Variants in CSMD1 observed in about 807,000 individuals in gnomAD.
CSMD1 encodes CUB and sushi domain-containing protein 1.
In CSMD1, 213 loss-of-function variants were observed where a neutral mutation model predicts 417.5. The ratio of observed to expected loss-of-function variants is 0.51; its 90% CI spans 0.46 to 0.57. The LOEUF is 0.57. Ranked by LOEUF, CSMD1 falls within the 20% of genes least tolerant of loss-of-function variation. The pLI is 0.00. For missense variants in CSMD1, 6,923 were observed against 4,529.7 expected, an observed-to-expected ratio of 1.53 and a Z score of -15.17; for synonymous variants, 2,862 against 1,736.8, an observed-to-expected ratio of 1.65 and a Z score of -16.11.
intron 3 of CSMD1, among the ~76,000 whole-genome samples, chr8:4,202,028 T>A (rs992733008): frequency 6.6e-6 from 1 of 152,216 alleles, no homozygotes; most frequent in Non-Finnish European, 1.5e-5. Context: ...AACGAGGACA[T>A]TGGAATCTCC....
At chr8:4,024,388 G>A (rs1051869296) in intron 4 of CSMD1, among the ~76,000 whole-genome samples, 17 of 152,158 alleles carry the variant, frequency 1.1e-4, no homozygotes, top group Admixed American at 5.9e-4. Context: ...TACGCTGATG[G>A]AAGTTTTACT....
intron 3 of CSMD1, among the ~76,000 whole-genome samples, chr8:4,303,415 G>A (rs1410514029): frequency 7.8e-6 from 1 of 128,040 alleles, no homozygotes; most frequent in Non-Finnish European, 1.6e-5. Context: ...ATATTGGGCA[G>A]GAAGCTGTTT....
chr8:4,364,016 A>G (rs1431055281), intron 3 of CSMD1, among the ~76,000 whole-genome samples: 1 of 152,142 alleles, frequency 6.6e-6, no homozygotes, highest in Non-Finnish European at 1.5e-5. Context: ...TCAATAATTT[A>G]ATTGTACTTA....
At chr8:4,689,621 C>G (rs931151414) in intron 1 of CSMD1, among the ~76,000 whole-genome samples, 4 of 152,140 alleles carry the variant, frequency 2.6e-5, no homozygotes, top group Non-Finnish European at 4.4e-5. Context: ...GTTCAGAGGA[C>G]AGAAAAGGTG....
chr8:4,549,183 T>G (rs1263090268), intron 2 of CSMD1, among the ~76,000 whole-genome samples: 1 of 152,182 alleles, frequency 6.6e-6, no homozygotes, highest in African/African-American at 2.4e-5. Context: ...TCCTCTCAGC[T>G]GACTTGATTT....
intron 1 of CSMD1, among the ~76,000 whole-genome samples, chr8:4,741,098 C>T (rs940052173): frequency 6.6e-6 from 1 of 152,160 alleles, no homozygotes; most frequent in African/African-American, 2.4e-5. Flanking sequence ...AATTGGCTCA[C>T]AAGATCCATC....
intron 5 of CSMD1, among the ~76,000 whole-genome samples, chr8:3,936,909 T>C (rs1046136040): frequency 2.6e-5 from 4 of 152,194 alleles, no homozygotes; most frequent in African/African-American, 9.6e-5. Flanking sequence ...ATTCCAATGA[T>C]ATTAAGAATG....
At chr8:4,263,151 C>T (rs1455669210) in intron 3 of CSMD1, among the ~76,000 whole-genome samples, 1 of 151,968 alleles carries the variant, frequency 6.6e-6, no homozygotes, top group Non-Finnish European at 1.5e-5. Flanking sequence ...AAATGTATTA[C>T]GTAAAAGCAA....
intron 1 of CSMD1, among the ~76,000 whole-genome samples, chr8:4,899,825 C>G (rs111326166): frequency 9.7e-4 from 148 of 152,240 alleles, no homozygotes; most frequent in Middle Eastern, 6.8e-3. Flanking sequence ...CACAGTGTAA[C>G]AAATAAGCAG....
At chr8:2,989,222 T>C (rs573802068) in intron 54 of CSMD1, among the ~76,000 whole-genome samples, 1 of 152,338 alleles carries the variant, frequency 6.6e-6, no homozygotes, top group Admixed American at 6.5e-5. Flanking sequence ...TTTTTGAGTT[T>C]TATGCCATTG....
At chr8:4,298,069 G>C (rs6990402) in intron 3 of CSMD1, among the ~76,000 whole-genome samples, 144,918 of 152,170 alleles carry the variant, frequency 0.95, 69,407 homozygotes, top group East Asian at 1. Context: ...ACATGCTAGC[G>C]TCTCTCTGGT....
rs892316799 is a variant in CSMD1, at chr8:4,788,620, A to G, written c.86-151062T>C. 4 of 895,618 alleles carry G rather than the reference A, an allele frequency of 4.5e-6. No individual in the cohort carries two copies. In the African/African-American group the frequency reaches 6.7e-5, roughly 15 times the overall value. 55.5% of individuals were successfully genotyped at this position (895,618 alleles called of 1,614,324 possible). A position where few individuals can be genotyped will look rare whatever the true frequency, so the allele number is the denominator to read the frequency against. On this transcript the variant is annotated intron_variant, in intron 1 of 69. Transcript: ENST00000635120. ...TGCCATTGAAATTTTTAGGGGAAAAACTACAAATTTCTAATTTAGCTGAAG... is the reference window on the plus strand; with the variant it reads ...TGCCATTGAAATTTTTAGGGGAAAAGCTACAAATTTCTAATTTAGCTGAAG...
intron 5 of CSMD1, among the ~76,000 whole-genome samples, chr8:3,835,290 T>A (rs946568978): frequency 1.3e-5 from 2 of 152,042 alleles, no homozygotes; most frequent in African/African-American, 4.8e-5. Flanking sequence ...GCGGCACTAT[T>A]CACAATAGCA....
Position 3,575,024 on chromosome 8 carries a change from A to C in CSMD1, c.1265T>G (p.Ile422Ser). The change falls in exon 10 of 70, where the codon ATT becomes AGT. Residue 422 changes from isoleucine (I) to serine (S), a missense_variant. By Grantham distance (142) the Ile-to-Ser change is moderately radical (BLOSUM62 -2). Coordinates refer to ENST00000635120, the MANE Select transcript of CSMD1 (RefSeq NM_033225.6). ...GSNLRGPSGV[I>S]TSPNYPVQYE... is the part of the protein sequence containing the mutation. The stretch of plus-strand genomic sequence containing the variant: ...CTGAACCGGATAATTAGGGGAGGTA[A>C]TGACGCCGCTGGGCCCACGCAGATT... The C allele has an allele frequency of 6.2e-7, 1 of 1,613,506 alleles. No individual in the cohort carries two copies. Among genetic ancestry groups the C allele is most frequent in the Non-Finnish European group, 8.5e-7 (1 of 1,179,734 alleles).
intron 13 of CSMD1, among the ~76,000 whole-genome samples, chr8:3,409,129 C>G (rs1305968727): frequency 6.6e-6 from 1 of 152,166 alleles, no homozygotes. Flanking sequence ...TACAGCAGAT[C>G]ATCACTGGCT....
At chr8:4,300,709 G>A (rs146521350) in intron 3 of CSMD1, among the ~76,000 whole-genome samples, 2,835 of 152,118 alleles carry the variant, frequency 0.019, 43 homozygotes, top group Non-Finnish European at 0.028. Flanking sequence ...AACAGTCCCC[G>A]GAGTGTGATG....
intron 15 of CSMD1, among the ~76,000 whole-genome samples, chr8:3,399,886 T>A (rs1191687253): frequency 6.6e-6 from 1 of 152,198 alleles, no homozygotes; most frequent in Non-Finnish European, 1.5e-5. Flanking sequence ...TATCTATACA[T>A]AAGCAAATGT....
At position 3,722,733 on chromosome 8, in the gene CSMD1, G is replaced by A. The variant is rs549412075; in HGVS notation, c.932-14242C>T. 5.9e-5 allele frequency among the ~76,000 whole-genome samples: 9 copies of A among 152,262 alleles called. No homozygotes were observed. In the East Asian group the frequency reaches 7.7e-4, roughly 13 times the overall value. On this transcript the variant is annotated intron_variant, in intron 6 of 69. Transcript: ENST00000635120. Reference sequence around the variant, plus strand: ...TAGATTACAAGCGAAAACTCTTGTCGTTAGGTTTTCTAATATTAGCATTAA... The same window carrying A: ...TAGATTACAAGCGAAAACTCTTGTCATTAGGTTTTCTAATATTAGCATTAA...
intron 1 of CSMD1, among the ~76,000 whole-genome samples, chr8:4,713,093 C>T (rs1808415020): frequency 6.6e-6 from 1 of 152,176 alleles, no homozygotes; most frequent in African/African-American, 2.4e-5. Context: ...CAAATCCCCA[C>T]CATTAAAGTC....
Sources: allele counts gnomAD v4.1 joint callset (sites outside exome capture counted in the v4.1 genomes callset), GRCh38; gene constraint gnomAD v4.1.1; transcripts MANE v1.5; gene names NCBI Gene and HGNC (gene_info 2026-07-23, HGNC 2026-07-21).